The following IPO11 variants were observed in gnomAD, a reference collection of about 807,000 sequenced individuals.
The protein encoded by IPO11 is importin 11.
IPO11 carries 66 observed loss-of-function variants against 143.2 expected under a neutral mutation model. That is an observed-to-expected ratio of 0.46 (90% confidence interval 0.38 to 0.57). IPO11 has a LOEUF of 0.57. IPO11 is among the 20% of genes least tolerant of loss of function. The pLI, the probability that IPO11 is intolerant of heterozygous loss-of-function variation, is 0.00. For synonymous variants in IPO11, 385 were observed against 377.8 expected (o/e 1.02, Z -0.22); for missense variants, 1,026 against 1,141.0 (o/e 0.90, Z 1.45).
At chr5:62,475,226 A>G (rs560129883) in intron 8 of IPO11, among the ~76,000 whole-genome samples, 288 of 152,172 alleles carry the variant, frequency 1.9e-3, no homozygotes, top group African/African-American at 6.6e-3. Flanking sequence ...TTAAAAAAAA[A>G]GATTTCCCTG....
rs564461019 is a variant in IPO11 at position 62,426,535 on chromosome 5, A to G, written c.-6-10739A>G. On this transcript the variant is annotated intron_variant, in intron 1 of 29. Coordinates refer to ENST00000325324, the MANE Select transcript of IPO11 (RefSeq NM_016338.5). ...TGCTTAACAAGAGAAATACGTAATG[A>G]TTTGCAGCTGTTTGAGAAGTTGGGA... is the stretch of plus-strand genomic sequence containing the variant. 1.8e-3 allele frequency among the ~76,000 whole-genome samples: 278 copies of G among 152,310 alleles called. 10 individuals carry two copies. In the South Asian group the frequency reaches 0.056, roughly 31 times the overall value.
At chr5:62,433,164 A>G (rs762729422) in intron 1 of IPO11, among the ~76,000 whole-genome samples, 31 of 142,256 alleles carry the variant, frequency 2.2e-4, no homozygotes, top group Non-Finnish European at 3.2e-4. Context: ...TTTTTTTTTT[A>G]AAGTCAATCT....
intron 24 of IPO11, among the ~76,000 whole-genome samples, chr5:62,544,144 C>G (rs1249060532): frequency 6.6e-6 from 1 of 152,052 alleles, no homozygotes; most frequent in Non-Finnish European, 1.5e-5. Context: ...GGCAGAGACA[C>G]AACAACAAAA....
chr5:62,434,949 C>T (rs973683937), intron 1 of IPO11, among the ~76,000 whole-genome samples: 2 of 150,330 alleles, frequency 1.3e-5, no homozygotes, highest in African/African-American at 2.5e-5. Flanking sequence ...CACTTGAACC[C>T]GGGAGGCAGA....
rs191688597 is a variant in IPO11 at position 62,465,332 on chromosome 5, A to C, written c.517-1799A>C. Among the ~76,000 whole-genome samples the C allele has an allele frequency of 1.2e-4, 19 of 152,338 alleles. No homozygotes were observed. The East Asian group carries it at 3.7e-3, about 29-fold the overall frequency. ...TTTTTCAATTCTGGATATGTATTTC[A>C]GTCTTTTATTTTCCAAAAGGACTTA... On this transcript the variant is annotated intron_variant, in intron 5 of 29. Transcript: ENST00000325324.
chr5:62,446,349 A>G (rs376572413), intron 3 of IPO11, among the ~76,000 whole-genome samples: 64 of 152,310 alleles, frequency 4.2e-4, no homozygotes, highest in African/African-American at 1.5e-3. Context: ...TGTGTGTTCA[A>G]CTTTAGTAGA....
At chr5:62,492,273 T>G (rs1689905267) in intron 15 of IPO11, among the ~76,000 whole-genome samples, 1 of 151,960 alleles carries the variant, frequency 6.6e-6, no homozygotes, top group Non-Finnish European at 1.5e-5. Flanking sequence ...GATGGTTCTT[T>G]GGTGCTTTTA....
intron 8 of IPO11, among the ~76,000 whole-genome samples, chr5:62,474,897 A>T (rs1257710312): frequency 1.3e-5 from 2 of 152,188 alleles, no homozygotes; most frequent in Non-Finnish European, 2.9e-5. Context: ...GGACAAAGGG[A>T]GGATTCTCGT....
At chr5:62,582,796 C>T (rs940286849) in intron 27 of IPO11, among the ~76,000 whole-genome samples, 2 of 152,092 alleles carry the variant, frequency 1.3e-5, no homozygotes, top group African/African-American at 2.4e-5. Flanking sequence ...TTTGTACTTG[C>T]AGAATATTTG....
At chr5:62,558,035 G>A (rs773770224) in intron 26 of IPO11, among the ~76,000 whole-genome samples, 29 of 152,170 alleles carry the variant, frequency 1.9e-4, no homozygotes, top group Non-Finnish European at 4.1e-4. Flanking sequence ...TTTTAAAAGT[G>A]TGTTTTGAAT....
At chr5:62,452,073 A>G in intron 5 of IPO11, 140 bp downstream of exon 5, 1 of 638,656 alleles carries the variant, frequency 1.6e-6, no homozygotes, top group Non-Finnish European at 2.7e-6. Flanking sequence ...GTGAAACCCC[A>G]TCTCTACTAA....
intron 11 of IPO11, among the ~76,000 whole-genome samples, chr5:62,484,366 G>A (rs1368245508): frequency 3.3e-5 from 5 of 152,082 alleles, no homozygotes; most frequent in Non-Finnish European, 7.4e-5. Flanking sequence ...ATATGTTGTA[G>A]AATTTTGTCC....
At chr5:62,509,039 G>A (rs1741660712) in intron 19 of IPO11, among the ~76,000 whole-genome samples, 1 of 152,212 alleles carries the variant, frequency 6.6e-6, no homozygotes, top group Non-Finnish European at 1.5e-5. Flanking sequence ...ACAGTTTAAT[G>A]TTGAAGTTTC....
chr5:62,489,401 A>T (rs988808080), intron 14 of IPO11, 52 bp downstream of exon 14: 4 of 1,300,752 alleles, frequency 3.1e-6, no homozygotes, highest in Non-Finnish European at 4.3e-6. Context: ...GTAGATGGAG[A>T]GTCTGTTTTG....
intron 1 of IPO11, among the ~76,000 whole-genome samples, chr5:62,424,659 G>A (rs1485823797): frequency 6.6e-6 from 1 of 151,112 alleles, no homozygotes; most frequent in Non-Finnish European, 1.5e-5. Context: ...CCAGGCTGGT[G>A]TTGAACTCCT....
At chr5:62,430,469 T>C (rs971884033) in intron 1 of IPO11, among the ~76,000 whole-genome samples, 5 of 150,306 alleles carry the variant, frequency 3.3e-5, no homozygotes, top group Middle Eastern at 3.5e-3. Flanking sequence ...CACAGGCGTG[T>C]GCCATCACAC....
intron 27 of IPO11, among the ~76,000 whole-genome samples, chr5:62,587,218 G>A (rs1420735269): frequency 6.6e-6 from 1 of 152,034 alleles, no homozygotes; most frequent in Non-Finnish European, 1.5e-5. Flanking sequence ...GAAAAGACAG[G>A]TAAGCAGGGG....
chr5:62,606,893 C>T (rs1000107721), intron 29 of IPO11, among the ~76,000 whole-genome samples: 6 of 152,174 alleles, frequency 3.9e-5, no homozygotes, highest in African/African-American at 1.2e-4. Flanking sequence ...GTAAACTATA[C>T]GTTAGGTTGA....
intron 19 of IPO11, among the ~76,000 whole-genome samples, chr5:62,508,873 G>T (rs907624407): frequency 4.6e-5 from 7 of 152,220 alleles, no homozygotes; most frequent in Non-Finnish European, 1.0e-4. Flanking sequence ...TTCTGTCCTT[G>T]TGGTAGTTTG....
Sources: allele counts gnomAD v4.1 joint callset (sites outside exome capture counted in the v4.1 genomes callset), GRCh38; gene constraint gnomAD v4.1.1; transcripts MANE v1.5; gene names NCBI Gene and HGNC (gene_info 2026-07-23, HGNC 2026-07-21).